TMEM108: variants seen among roughly 807,000 people sequenced by gnomAD.
The protein encoded by TMEM108 is transmembrane protein 108.
TMEM108 carries 12 observed loss-of-function variants against 35.1 expected under a neutral mutation model. The observed-to-expected ratio is 0.34, with a 90% confidence interval of 0.22 to 0.55. The LOEUF (loss-of-function observed/expected upper bound fraction) is 0.55, where lower values mean the gene tolerates loss of function less well. TMEM108 is among the 20% of genes least tolerant of loss of function. The pLI is 0.89. For synonymous variants in TMEM108, 287 were observed against 308.6 expected (o/e 0.93, Z 0.73); for missense variants, 680 against 753.3 (o/e 0.90, Z 1.14).
chr3:133,167,978 C>T (rs901068775), intron 2 of TMEM108, among the ~76,000 whole-genome samples: 24 of 152,074 alleles, frequency 1.6e-4, no homozygotes, highest in African/African-American at 4.8e-5. Flanking sequence ...GTGACTTAAC[C>T]CTTTCCTGTC....
At chr3:133,296,842 T>C (rs1001860119) in intron 3 of TMEM108, among the ~76,000 whole-genome samples, 1 of 152,184 alleles carries the variant, frequency 6.6e-6, no homozygotes, top group African/African-American at 2.4e-5. Flanking sequence ...TTCTCAAGTA[T>C]AGAATCTCTG....
At position 133,392,982 on chromosome 3, in the gene TMEM108, T is replaced by C. The variant is rs1367319055; in HGVS notation, c.1605+2648T>C. 3.3e-5 allele frequency among the ~76,000 whole-genome samples: 5 copies of C among 152,200 alleles called. No individual in the cohort carries two copies. The East Asian group carries it at 9.6e-4, about 29-fold the overall frequency. On this transcript the variant is annotated intron_variant, in intron 5 of 5. Coordinates refer to ENST00000321871, the MANE Select transcript of TMEM108 (RefSeq NM_023943.4). ...CACTTTCAAGTGGCTCTTCTCTACA[T>C]TTTGAATAAAATCCAGACTCCCATT...
chr3:133,250,171 T>C (rs1185755703), intron 3 of TMEM108, among the ~76,000 whole-genome samples: 1 of 152,194 alleles, frequency 6.6e-6, no homozygotes, highest in African/African-American at 2.4e-5. Context: ...AGACTTCTCA[T>C]GCATTATACA....
intron 2 of TMEM108, among the ~76,000 whole-genome samples, chr3:133,226,609 C>G (rs1267274096): frequency 6.6e-6 from 1 of 152,114 alleles, no homozygotes; most frequent in African/African-American, 2.4e-5. Flanking sequence ...GTCTGGCCCC[C>G]ACTTCCCATC....
At chr3:133,040,536 G>A (rs1943263300) in intron 1 of TMEM108, among the ~76,000 whole-genome samples, 1 of 152,010 alleles carries the variant, frequency 6.6e-6, no homozygotes, top group South Asian at 2.1e-4. Flanking sequence ...ATGGAGTAGA[G>A]GGGAGAAAAG....
chr3:133,311,212 A>G (rs1360411453), intron 3 of TMEM108, among the ~76,000 whole-genome samples: 1 of 152,076 alleles, frequency 6.6e-6, no homozygotes, highest in Admixed American at 6.5e-5. Context: ...CTCTTCTCGA[A>G]GAGTATCTTT....
At chr3:133,098,334 A>G (rs914853846) in intron 2 of TMEM108, among the ~76,000 whole-genome samples, 2 of 152,156 alleles carry the variant, frequency 1.3e-5, no homozygotes, top group Non-Finnish European at 2.9e-5. Context: ...CCTTGACTCA[A>G]TTACCTCACC....
chr3:133,207,236 G>A (rs552229627), intron 2 of TMEM108, among the ~76,000 whole-genome samples: 9 of 152,172 alleles, frequency 5.9e-5, no homozygotes, highest in Non-Finnish European at 1.3e-4. Context: ...GCTATGGGAG[G>A]GAGTTCCCTG....
At chr3:133,139,215 AT>A (rs1198322760) in intron 2 of TMEM108, among the ~76,000 whole-genome samples, 2 of 152,232 alleles carry the variant, frequency 1.3e-5, no homozygotes, top group East Asian at 3.8e-4. Flanking sequence ...TAGTGCTGCA[AT>A]AAACATACAT....
intron 2 of TMEM108, among the ~76,000 whole-genome samples, chr3:133,125,323 C>T (rs984449877): frequency 6.6e-6 from 1 of 152,204 alleles, no homozygotes; most frequent in Non-Finnish European, 1.5e-5. Context: ...AAGAGACCCT[C>T]TGATGTGGGC....
At chr3:133,096,354 T>C (rs1944014860) in intron 2 of TMEM108, among the ~76,000 whole-genome samples, 1 of 152,092 alleles carries the variant, frequency 6.6e-6, no homozygotes, top group South Asian at 2.1e-4. Flanking sequence ...AGAGATGGGG[T>C]CTTGCCATGT....
At chr3:133,067,953 G>A (rs1156260877) in intron 2 of TMEM108, among the ~76,000 whole-genome samples, 3 of 151,958 alleles carry the variant, frequency 2.0e-5, no homozygotes, top group Non-Finnish European at 2.9e-5. Flanking sequence ...TCCAGCATCT[G>A]GTGTGGGTCA....
chr3:133,236,634 C>T (rs1420729796), intron 3 of TMEM108, among the ~76,000 whole-genome samples: 1 of 152,096 alleles, frequency 6.6e-6, no homozygotes, highest in East Asian at 1.9e-4. Context: ...CCCTTGAAAA[C>T]ACTTTAAAGT....
chr3:133,278,090 G>T (rs1946863034), intron 3 of TMEM108, among the ~76,000 whole-genome samples: 1 of 152,212 alleles, frequency 6.6e-6, no homozygotes. Context: ...CTGCCACACG[G>T]CATGAGAAGC....
At chr3:133,356,049 T>C (rs1016997741) in intron 3 of TMEM108, among the ~76,000 whole-genome samples, 8 of 152,152 alleles carry the variant, frequency 5.3e-5, no homozygotes, top group Admixed American at 4.6e-4. Flanking sequence ...TGTTCTCCAA[T>C]GATATGATCA....
At chr3:133,344,670 A>G (rs933121580) in intron 3 of TMEM108, among the ~76,000 whole-genome samples, 3 of 151,842 alleles carry the variant, frequency 2.0e-5, no homozygotes, top group Admixed American at 6.6e-5. Context: ...TTGATTGGGA[A>G]CAAAATAATA....
intron 3 of TMEM108, among the ~76,000 whole-genome samples, chr3:133,259,274 C>T (rs188095816): frequency 3.9e-5 from 6 of 152,134 alleles, no homozygotes; most frequent in Admixed American, 2.0e-4. Context: ...TTTTGATGAC[C>T]GAAGAAGGGT....
At chr3:133,343,840 AT>A (rs773381749) in intron 3 of TMEM108, among the ~76,000 whole-genome samples, 1 of 151,944 alleles carries the variant, frequency 6.6e-6, no homozygotes, top group Non-Finnish European at 1.5e-5. Flanking sequence ...ATGAAAAAAA[AT>A]CAACTAGATT....
intron 2 of TMEM108, among the ~76,000 whole-genome samples, chr3:133,223,761 A>T (rs776094379): frequency 8.1e-5 from 11 of 135,826 alleles, no homozygotes; most frequent in Non-Finnish European, 1.4e-4. Context: ...GCAATTAGGA[A>T]ATATAATGGA....
Sources: allele counts gnomAD v4.1 joint callset (sites outside exome capture counted in the v4.1 genomes callset), GRCh38; gene constraint gnomAD v4.1.1; transcripts MANE v1.5; gene names NCBI Gene and HGNC (gene_info 2026-07-23, HGNC 2026-07-21).